Variants in CFAP43 observed in about 807,000 individuals in gnomAD.
The protein encoded by CFAP43 is cilia and flagella associated protein 43, also known as cilia- and flagella-associated protein 43.
CFAP43 carries 155 observed loss-of-function variants against 218.9 expected under a neutral mutation model. The ratio of observed to expected loss-of-function variants is 0.71; its 90% CI spans 0.62 to 0.81. The LOEUF is 0.81. Among genes scored for constraint, CFAP43 ranks in the 30% least tolerant of loss-of-function variants. The pLI is 0.00. For synonymous variants in CFAP43, 645 were observed against 681.3 expected, an observed-to-expected ratio of 0.95 and a Z score of 0.83; for missense variants, 1,778 against 1,954.3, an observed-to-expected ratio of 0.91 and a Z score of 1.70.
chr10:104,154,537 G>A (rs191593149), intron 27 of CFAP43, among the ~76,000 whole-genome samples: 2 of 152,264 alleles, frequency 1.3e-5, no homozygotes, highest in East Asian at 1.9e-4. Flanking sequence ...CCCACAGATT[G>A]TGTCCTTCTG....
intron 28 of CFAP43, among the ~76,000 whole-genome samples, chr10:104,151,580 C>A (rs2088259998): frequency 6.6e-6 from 1 of 152,080 alleles, no homozygotes; most frequent in Non-Finnish European, 1.5e-5. Flanking sequence ...TCCTTGACCA[C>A]TTTTTAATGG....
chr10:104,194,165 T>G (rs2090318315), intron 10 of CFAP43, 151 bp from the exon 11 acceptor site: 1 of 746,146 alleles, frequency 1.3e-6, no homozygotes, highest in Non-Finnish European at 2.1e-6. Flanking sequence ...CCCTCAACGT[T>G]CCTGAGCTGA....
intron 12 of CFAP43, among the ~76,000 whole-genome samples, chr10:104,190,432 T>C (rs114365861): frequency 0.033 from 5,097 of 152,334 alleles, 108 homozygotes; most frequent in Middle Eastern, 0.051. Flanking sequence ...AATTTGCATA[T>C]TTAGTTACCT....
intron 14 of CFAP43, among the ~76,000 whole-genome samples, chr10:104,186,910 T>C (rs1018012326): frequency 3.3e-5 from 5 of 152,288 alleles, no homozygotes; most frequent in Admixed American, 1.3e-4. Context: ...GAGAGTGTAA[T>C]GAAAAAATGT....
At position 104,133,800 on chromosome 10, in the gene CFAP43, T is replaced by A; in HGVS notation, c.4432-16A>T. 6.3e-7 allele frequency: 1 copy of A among 1,585,458 alleles called. No homozygotes were observed. The highest frequency in any genetic ancestry group is 1.2e-5 in the South Asian group (1 of 86,216). On this transcript the variant is annotated splice_polypyrimidine_tract_variant and intron_variant, in intron 34 of 37. Transcript: ENST00000357060. ...GTCCTTGAGTCTTTAAAAAAGTACA[T>A]TAGATATCCATATAATATGATTCTG...
At chr10:104,178,925 G>T in intron 19 of CFAP43, 104 bp downstream of exon 19, 1 of 736,638 alleles carries the variant, frequency 1.4e-6, no homozygotes, top group Non-Finnish European at 2.1e-6. Flanking sequence ...CTTACAAGCA[G>T]AGAAAAGGGA....
intron 14 of CFAP43, among the ~76,000 whole-genome samples, chr10:104,186,651 A>G (rs1472485366): frequency 6.6e-6 from 1 of 152,116 alleles, no homozygotes; most frequent in East Asian, 1.9e-4. Context: ...TCCAGATCAA[A>G]TATTGCTTCC....
chr10:104,142,183 TA>T, intron 33 of CFAP43, 97 bp downstream of exon 33: 1 of 954,812 alleles, frequency 1.0e-6, no homozygotes. Context: ...GAGATGGCTG[TA>T]AAGCAGTCAG....
chr10:104,205,074 G>A (rs1304852995), intron 7 of CFAP43, among the ~76,000 whole-genome samples: 1 of 151,906 alleles, frequency 6.6e-6, no homozygotes, highest in Non-Finnish European at 1.5e-5. Flanking sequence ...TTAGCAGGGC[G>A]TGGTGGTGTG....
intron 2 of CFAP43, among the ~76,000 whole-genome samples, chr10:104,228,887 T>C (rs1020038445): frequency 2.0e-5 from 3 of 152,180 alleles, no homozygotes; most frequent in African/African-American, 7.2e-5. Flanking sequence ...TTGCATTGGC[T>C]AGAACTTCCA....
Position 104,164,108 on chromosome 10 carries a change from C to A in CFAP43, c.3232G>T (p.Val1078Leu), listed in dbSNP as rs751156023. Residue 1078 changes from valine to leucine, a missense_variant, in exon 24 of 38, where the codon GTG (valine) becomes TTG (leucine). By Grantham distance (32) the Val-to-Leu change is conservative. Coordinates refer to ENST00000357060, the MANE Select transcript of CFAP43 (RefSeq NM_025145.7). ...DCEKPERTLV[V>L]QDEEITAHKH... Reference sequence around the variant, plus strand: ...CTAGCCAGTACCTCCTCATCTTGCACAACAAGCGTTCTCTCTGGCTTCTCA... The same window carrying A: ...CTAGCCAGTACCTCCTCATCTTGCAAAACAAGCGTTCTCTCTGGCTTCTCA... 1.9e-6 allele frequency: 3 copies of A among 1,614,182 alleles called. No individual in the cohort carries two copies. Among genetic ancestry groups the A allele is most frequent in the African/African-American group, 1.3e-5 (1 of 75,044 alleles).
rs952172076 is a variant in CFAP43, at chr10:104,188,402, T to C, written c.1555A>G (p.Lys519Glu). The change falls in exon 13 of 38, where the codon AAA becomes GAA. Residue 519 changes from lysine (K) to glutamate (E), a missense_variant. Transcript: ENST00000357060. ...FQIIGFTEVA[K>E]DILQISTVSL... ...ACTGTGGATATCTGTAAAATGTCTT[T>C]GGCCACCTCTGAAAGCAAACAGAGA... is the stretch of plus-strand genomic sequence containing the variant. 7 of 1,612,836 alleles carry C rather than the reference T, an allele frequency of 4.3e-6. No homozygotes were observed. The highest frequency in any genetic ancestry group is 4.5e-5 in the East Asian group (2 of 44,818).
At position 104,196,738 on chromosome 10, in the gene CFAP43, T is replaced by C. The variant is rs1378362240; in HGVS notation, c.1293+115A>G. 3 of 816,368 alleles carry C rather than the reference T, an allele frequency of 3.7e-6. No individual in the cohort carries two copies. The East Asian group carries it at 8.7e-5, about 24-fold the overall frequency. The allele number at this position is 816,368 out of a possible 1,614,324, so 50.6% of individuals were successfully genotyped here. ...TTACTGTAAATCTAGAAGGCAAAAA[T>C]GCAGTGAGGCTTCGGTAACAAGTAT... On this transcript the variant is annotated intron_variant, in intron 10 of 37. Coordinates refer to ENST00000357060, the MANE Select transcript of CFAP43 (RefSeq NM_025145.7).
intron 3 of CFAP43, among the ~76,000 whole-genome samples, chr10:104,220,787 G>A (rs1400250104): frequency 2.0e-5 from 3 of 152,142 alleles, no homozygotes; most frequent in Non-Finnish European, 4.4e-5. Flanking sequence ...TGCTTTTACA[G>A]GTTAAACTCT....
chr10:104,226,895 G>A (rs914814707), intron 2 of CFAP43, among the ~76,000 whole-genome samples: 2 of 152,080 alleles, frequency 1.3e-5, no homozygotes, highest in African/African-American at 4.8e-5. Flanking sequence ...GCAAGCACCT[G>A]TAATCCCAGC....
intron 27 of CFAP43, among the ~76,000 whole-genome samples, chr10:104,157,270 A>G (rs1170856497): frequency 6.6e-6 from 1 of 152,210 alleles, no homozygotes; most frequent in Non-Finnish European, 1.5e-5. Flanking sequence ...CTTCCTCTAC[A>G]GAGAGGGCAA....
At chr10:104,225,695 C>T in intron 2 of CFAP43, 138 bp from the exon 3 acceptor site, 1 of 701,782 alleles carries the variant, frequency 1.4e-6, no homozygotes, top group Non-Finnish European at 2.2e-6. Flanking sequence ...AAGAAAGATC[C>T]TGGCTAATTT....
At chr10:104,166,745 A>G (rs756246239) in intron 22 of CFAP43, 27 bp from the exon 23 acceptor site, 1 of 1,557,866 alleles carries the variant, frequency 6.4e-7, no homozygotes. Context: ...ATGACACAGA[A>G]GTTATGCAAT....
chr10:104,176,255 A>G (rs928313174), intron 19 of CFAP43, among the ~76,000 whole-genome samples: 1 of 152,246 alleles, frequency 6.6e-6, no homozygotes, highest in Non-Finnish European at 1.5e-5. Flanking sequence ...AGGATAGTAT[A>G]TTAAATAAAA....
Sources: gnomAD v4.1 joint callset for allele counts (sites outside exome capture counted in the v4.1 genomes callset) on GRCh38, gnomAD v4.1.1 for gene constraint, MANE v1.5 for transcripts, NCBI Gene and HGNC (gene_info 2026-07-23, HGNC 2026-07-21) for gene names.